Variants in SEC16A observed in about 807,000 individuals in gnomAD.
SEC16A encodes the protein SEC16 homolog A, endoplasmic reticulum export factor.
A neutral mutation model predicts 221.9 loss-of-function variants in SEC16A; 110 were observed. The ratio of observed to expected loss-of-function variants is 0.50; its 90% CI spans 0.42 to 0.58. SEC16A has a LOEUF of 0.58. SEC16A is among the 20% of genes least tolerant of loss of function. SEC16A has a pLI of 0.00. For synonymous variants in SEC16A, 1,393 were observed against 1,257.7 expected, an observed-to-expected ratio of 1.11 and a Z score of -2.28; for missense variants, 3,165 against 3,097.8, an observed-to-expected ratio of 1.02 and a Z score of -0.52.
At chr9:136,470,873 C>T (rs1028110191) in intron 4 of SEC16A, among the ~76,000 whole-genome samples, 1 of 152,248 alleles carries the variant, frequency 6.6e-6, no homozygotes, top group African/African-American at 2.4e-5. Context: ...CAGGAAGGCT[C>T]TATCTGTGAG....
Position 136,475,472 on chromosome 9 carries a change from G to A in SEC16A, c.2144C>T (p.Pro715Leu), listed in dbSNP as rs1368722200. 1.2e-6 allele frequency: 2 copies of A among 1,607,650 alleles called. No individual in the cohort carries two copies. The highest frequency in any genetic ancestry group is 1.7e-6 in the Non-Finnish European group (2 of 1,176,092). The part of the protein sequence containing the change: ...EKRPSARTQG[P>L]VKCESPATTL... Reference sequence around the variant, plus strand: ...CGTTGCTGGGCTCTCACACTTCACGGGCCCCTGGGTCCTGGCTGAAGGCCT... The same window carrying A: ...CGTTGCTGGGCTCTCACACTTCACGAGCCCCTGGGTCCTGGCTGAAGGCCT... The change falls in exon 3 of 32, where the codon CCC becomes CTC. Residue 715 changes from proline to leucine, a missense_variant. Pro to Leu is a moderately conservative substitution (Grantham distance 98, BLOSUM62 -3). Transcript: ENST00000684901. The surrounding 1 kb of genome is among the most constrained non-coding windows in gnomAD (Gnocchi z 5.0).
At position 136,456,082 on chromosome 9, in the gene SEC16A, G is replaced by T. The variant is rs1427226108; in HGVS notation, c.5635C>A (p.His1879Asn). 2 of 1,613,010 alleles carry T rather than the reference G, an allele frequency of 1.2e-6. No homozygotes were observed. Among genetic ancestry groups the T allele is most frequent in the South Asian group, 2.2e-5 (2 of 91,026 alleles). Residue 1879 changes from histidine (H) to asparagine (N), a missense_variant, in exon 19 of 32, where the codon CAC (histidine) becomes AAC (asparagine). Physicochemically the swap from His to Asn is moderately conservative, Grantham distance 68. Around this residue, in one of 3 missense-constraint regions of SEC16A, gnomAD observed 1,088 missense variants for 1,089.6 expected, o/e 1.00. Coordinates refer to ENST00000684901, the MANE Select transcript of SEC16A (RefSeq NM_014866.2). ...ATCTGCCGCTCCACCTGCTGCAGGT[G>T]AACCAGCCACGTGGGTGCGGCCAAG... The part of the protein sequence containing the change: ...ESLAAPTWLV[H>N]LQQVERQIKE...
chr9:136,471,039 C>A (rs1840787205), intron 4 of SEC16A, among the ~76,000 whole-genome samples: 1 of 152,040 alleles, frequency 6.6e-6, no homozygotes. Context: ...TGCTCTAGGG[C>A]CCAGGAGGAC....
At position 136,474,757 on chromosome 9, in the gene SEC16A, T is replaced by C. The variant is rs1267502422; in HGVS notation, c.2859A>G (p.Gly953=). 1.2e-6 allele frequency: 2 copies of C among 1,613,874 alleles called. No individual in the cohort carries two copies. The highest frequency in any genetic ancestry group is 2.2e-5 in the South Asian group (2 of 91,084). The change falls in exon 3 of 32, where the codon GGA becomes GGG. Residue 953 remains glycine, a synonymous_variant. Coordinates refer to ENST00000684901, the MANE Select transcript of SEC16A (RefSeq NM_014866.2). ...TGCTTCCAGCAGGGCTATTAGCAAA[T>C]CCGGGAAGAGCACTTCCTGCCTTAC... is the stretch of plus-strand genomic sequence containing the variant. ...KDRKAGSALP[G]FANSPAGSTS... is the part of the protein sequence containing the mutation.
At position 136,477,324 on chromosome 9, in the gene SEC16A, G is replaced by C; in HGVS notation, c.292C>G (p.His98Asp). ...QHPGLLVPHT[H>D]ARDSSQGPCE... ...GGTCCCTGAGAGCTATCTCTGGCAT[G>C]TGTGTGAGGAACAAGCAAACCGGGG... Residue 98 changes from histidine (H) to aspartate (D), a missense_variant, in exon 3 of 32, where the codon CAT becomes GAT. Transcript: ENST00000684901. 1 of 1,613,968 alleles carries C rather than the reference G, an allele frequency of 6.2e-7. No individual in the cohort carries two copies. The highest frequency in any genetic ancestry group is 8.5e-7 in the Non-Finnish European group (1 of 1,179,904).
rs780585563 is a variant in SEC16A at position 136,475,876 on chromosome 9, C to T, written c.1740G>A (p.Val580=). 8 of 1,602,144 alleles carry T rather than the reference C, an allele frequency of 5.0e-6. No individual in the cohort carries two copies. The South Asian group carries it at 7.8e-5, about 16-fold the overall frequency. Reference sequence around the variant, plus strand: ...ACACGCTGCCACGGTAATTCTGGCTCACAGTGGTCTCGTCTGTTTCACCTC... The same window carrying T: ...ACACGCTGCCACGGTAATTCTGGCTTACAGTGGTCTCGTCTGTTTCACCTC... ...PVGGETDETT[V]SQNYRGSVSQ... is the part of the protein sequence containing the mutation. Residue 580 remains valine (V), a synonymous_variant, in exon 3 of 32, where the codon GTG becomes GTA. Transcript: ENST00000684901. This position sits in a 1 kb window ranked among gnomAD's most constrained non-coding sequence, Gnocchi z 5.0.
At chr9:136,443,939 T>A (rs1055564263) in intron 30 of SEC16A, 39 bp from the exon 31 acceptor site, 1 of 1,471,084 alleles carries the variant, frequency 6.8e-7, no homozygotes, top group Non-Finnish European at 9.3e-7. Context: ...AGGGCTGCGC[T>A]GCACAGCAGC....
chr9:136,460,244 C>A, intron 13 of SEC16A, 121 bp from the exon 14 acceptor site: 1 of 696,724 alleles, frequency 1.4e-6, no homozygotes, highest in East Asian at 2.8e-5. Flanking sequence ...GGGCGGATCA[C>A]CTGAGGTCAG....
chr9:136,468,564 G>GT (rs1263506249), intron 4 of SEC16A, 52 bp from the exon 5 acceptor site: 3 of 1,174,298 alleles, frequency 2.6e-6, no homozygotes, highest in Non-Finnish European at 3.8e-6. Context: ...TTCTTAAAGT[G>GT]TGACATCAGC....
In SEC16A at chr9:136,478,806, CCTGGGCAA is replaced by C. The variant is rs1841971582; in HGVS notation, c.-175_-168del. 6.6e-6 allele frequency among the ~76,000 whole-genome samples: 1 copy of C among 152,100 alleles called. No homozygotes were observed. Among genetic ancestry groups the C allele is most frequent in the Admixed American group, 6.6e-5 (1 of 15,266 alleles). ...CTATGATTATACCACCGCGGTCCAG[CCTGGGCAA>C]CAGAGCAAGACGGTCTCTATTTTAA... On this transcript the variant is annotated 5_prime_UTR_variant, in exon 2 of 32. Coordinates refer to ENST00000684901, the MANE Select transcript of SEC16A (RefSeq NM_014866.2).
At chr9:136,471,302 T>C (rs1051266766) in intron 4 of SEC16A, among the ~76,000 whole-genome samples, 1 of 125,404 alleles carries the variant, frequency 8.0e-6, no homozygotes, top group Admixed American at 9.1e-5. Context: ...CCCTCGTCTC[T>C]ACAAAAAAAA....
At position 136,476,063 on chromosome 9, in the gene SEC16A, G is replaced by C. The variant is rs1258949144; in HGVS notation, c.1553C>G (p.Pro518Arg). 1.2e-6 allele frequency: 2 copies of C among 1,613,604 alleles called. No individual in the cohort carries two copies. Among genetic ancestry groups the C allele is most frequent in the Admixed American group, 1.7e-5 (1 of 60,022 alleles). ...APDATLHTVH[P>R]DSVSSSYSSR... ...GCTATAGCTGGATGACACGCTGTCA[G>C]GGTGCACTGTATGCAGTGTGGCATC... Residue 518 changes from proline (P) to arginine (R), a missense_variant, in exon 3 of 32, where the codon CCT (proline) becomes CGT (arginine). By Grantham distance (103) the Pro-to-Arg change is moderately radical. Transcript: ENST00000684901.
Position 136,465,859 on chromosome 9 carries a change from A to C in SEC16A, c.4303+103T>G, listed in dbSNP as rs1355475933. ...GATTGGGTCAGAGCCAGGCCAGGAC[A>C]TCACAATTCCAATCCCAGCCCTGAC... On this transcript the variant is annotated intron_variant, in intron 8 of 31. Transcript: ENST00000684901. The C allele has an allele frequency of 2.4e-6, 3 of 1,226,204 alleles. No homozygotes were observed. In the Admixed American group the frequency reaches 7.1e-5, roughly 29 times the overall value. 76.0% of individuals were successfully genotyped at this position (1,226,204 alleles called of 1,614,324 possible).
upstream of SEC16A, chr9:136,484,281 C>T (rs928303102): frequency 2.1e-6 from 2 of 948,132 alleles, no homozygotes; most frequent in African/African-American, 1.8e-5. Flanking sequence ...CCAGAGCGAC[C>T]CAGCGGAGGG....
chr9:136,447,313 C>A lies in SEC16A; in HGVS notation c.6611G>T (p.Arg2204Leu). 1 of 1,593,272 alleles carries A rather than the reference C, an allele frequency of 6.3e-7. No individual in the cohort carries two copies. Among genetic ancestry groups the A allele is most frequent in the Non-Finnish European group, 8.5e-7 (1 of 1,170,906 alleles). ...VDVLNPSGTQ[R>L]SEPALAPADF... ...CGCAGGAGCGAGAGCCGGCTCGCTC[C>A]GCTGGGTCCCGCTTGGGTTCAGGAC... Residue 2204 changes from arginine to leucine, a missense_variant, in exon 27 of 32, where the codon CGG becomes CTG. Around this residue, in one of 3 missense-constraint regions of SEC16A, gnomAD observed 1,088 missense variants for 1,089.6 expected, o/e 1.00. Coordinates refer to ENST00000684901, the MANE Select transcript of SEC16A (RefSeq NM_014866.2). This position sits in a 1 kb window ranked among gnomAD's most constrained non-coding sequence, Gnocchi z 5.5.
chr9:136,442,521 C>T (rs1001227245), intron 31 of SEC16A, among the ~76,000 whole-genome samples: 4 of 152,224 alleles, frequency 2.6e-5, no homozygotes, highest in Admixed American at 6.5e-5. Flanking sequence ...GACCTTGGAC[C>T]CCGCTCAGCT....
At position 136,443,871 on chromosome 9, in the gene SEC16A, GC is replaced by G; in HGVS notation, c.6956del (p.Gly2319AlafsTer27). The part of the protein sequence containing the change: ...QAPGDLPAAG[G>X]PPSGAMPFYN... ...AGAAGGGCATGGCCCCGCTGGGAGG[GC>G]CCCCTGCAGCAGGGAGGTCGCCAGG... On this transcript the variant is annotated frameshift_variant, in exon 31 of 32. Coordinates refer to ENST00000684901, the MANE Select transcript of SEC16A (RefSeq NM_014866.2). LOFTEE classifies it low-confidence loss of function (END_TRUNC). The G allele has an allele frequency of 6.2e-7, 1 of 1,610,998 alleles. No homozygotes were observed. Among genetic ancestry groups the G allele is most frequent in the Non-Finnish European group, 8.5e-7 (1 of 1,178,678 alleles).
At chr9:136,454,430 GC>G (rs1838318189) in intron 20 of SEC16A, 103 bp from the exon 21 acceptor site, 1 of 1,085,614 alleles carries the variant, frequency 9.2e-7, no homozygotes, top group South Asian at 1.3e-5. Context: ...ATTTTGTACA[GC>G]CCCATTTCTT....
Position 136,468,584 on chromosome 9 carries a change from T to G in SEC16A, c.3705-72A>C, listed in dbSNP as rs112116478. On this transcript the variant is annotated intron_variant, in intron 4 of 31. Coordinates refer to ENST00000684901, the MANE Select transcript of SEC16A (RefSeq NM_014866.2). ...AAAGTGTGACATCAGCCAATACAAA[T>G]CATTCCCAAAGCAATGGGCATTCAT... 16 of 1,006,176 alleles carry G rather than the reference T, an allele frequency of 1.6e-5. No homozygotes were observed. In the South Asian group the frequency reaches 1.6e-4, roughly 10 times the overall value. 62.3% of individuals were successfully genotyped at this position (1,006,176 alleles called of 1,614,324 possible).
Sources: allele counts gnomAD v4.1 joint callset (sites outside exome capture counted in the v4.1 genomes callset), GRCh38; gene constraint gnomAD v4.1.1; regional missense constraint gnomAD v4.1.1; non-coding constraint Gnocchi (gnomAD v3.1); transcripts MANE v1.5; gene names NCBI Gene and HGNC (gene_info 2026-07-23, HGNC 2026-07-21).